CEMIP: variants seen among roughly 807,000 people sequenced by gnomAD.
The protein encoded by CEMIP is cell migration-inducing and hyaluronan-binding protein.
In CEMIP, 105 loss-of-function variants were observed where a neutral mutation model predicts 156.9. The observed-to-expected ratio is 0.67, with a 90% confidence interval of 0.57 to 0.79. CEMIP has a LOEUF of 0.79. CEMIP is among the 30% of genes least tolerant of loss of function. The pLI is 0.00. For synonymous variants in CEMIP, 676 were observed against 668.4 expected, an observed-to-expected ratio of 1.01 and a Z score of -0.17; for missense variants, 1,457 against 1,769.4, an observed-to-expected ratio of 0.82 and a Z score of 3.17.
chr15:80,809,313 C>T (rs141442416), intron 1 of CEMIP, among the ~76,000 whole-genome samples: 625 of 152,224 alleles, frequency 4.1e-3, no homozygotes, highest in African/African-American at 0.013. Context: ...TGTAATCATA[C>T]GTAGCTATTT....
At chr15:80,815,133 G>T (rs1289938189) in intron 1 of CEMIP, among the ~76,000 whole-genome samples, 1 of 152,238 alleles carries the variant, frequency 6.6e-6, no homozygotes, top group Non-Finnish European at 1.5e-5. Context: ...TACCCTGCAT[G>T]TAAGACAGAG....
At chr15:80,839,427 A>G (rs1897341135) in intron 1 of CEMIP, among the ~76,000 whole-genome samples, 1 of 152,036 alleles carries the variant, frequency 6.6e-6, no homozygotes, top group Admixed American at 6.6e-5. Flanking sequence ...AAGTGTGGAC[A>G]CCAGCTTCTG....
intron 23 of CEMIP, among the ~76,000 whole-genome samples, chr15:80,934,257 G>A (rs1901032380): frequency 6.6e-6 from 1 of 151,990 alleles, no homozygotes; most frequent in Admixed American, 6.6e-5. Flanking sequence ...CAGGGTAATG[G>A]GATAGGAAAA....
chr15:80,787,267 T>C (rs556942720), intron 1 of CEMIP, among the ~76,000 whole-genome samples: 2 of 152,268 alleles, frequency 1.3e-5, no homozygotes, highest in African/African-American at 2.4e-5. Context: ...TTATTGAAGA[T>C]GGTGAGAGTA....
chr15:80,873,759 G>A (rs902634727), intron 2 of CEMIP, 63 bp downstream of exon 2: 28 of 779,550 alleles, frequency 3.6e-5, no homozygotes, highest in South Asian at 6.1e-5. Context: ...TGCCTGTCCC[G>A]TGTCTGTGTG....
At chr15:80,916,605 C>A (rs537296245) in intron 14 of CEMIP, among the ~76,000 whole-genome samples, 82 of 152,296 alleles carry the variant, frequency 5.4e-4, no homozygotes, top group African/African-American at 1.9e-3. Context: ...CTATCTATAT[C>A]TATCTATCCA....
chr15:80,864,541 C>T (rs1898072981), intron 1 of CEMIP, among the ~76,000 whole-genome samples: 1 of 152,234 alleles, frequency 6.6e-6, no homozygotes, highest in African/African-American at 2.4e-5. Flanking sequence ...GTACCACACA[C>T]ATCGCATACA....
At chr15:80,859,825 C>T (rs142863595) in intron 1 of CEMIP, among the ~76,000 whole-genome samples, 4 of 152,270 alleles carry the variant, frequency 2.6e-5, no homozygotes, top group East Asian at 1.9e-4. Context: ...GAAGTAAACA[C>T]GTTTTCCCCT....
rs895443821 is a variant in CEMIP, at chr15:80,926,823, G to GC, written c.2420+1068_2420+1069insC. Among the ~76,000 whole-genome samples, 299 of 129,632 alleles carry GC rather than the reference G, an allele frequency of 2.3e-3. 8 individuals are homozygous for GC. The highest frequency in any genetic ancestry group is 9.3e-3 in the African/African-American group (285 of 30,710). The allele number at this position is 129,632 out of a possible 152,430, so 85.0% of individuals were successfully genotyped here. A position where few individuals can be genotyped will look rare whatever the true frequency, so the allele number is the denominator to read the frequency against. On this transcript the variant is annotated intron_variant, in intron 19 of 29. Transcript: ENST00000394685. ...GAGGCAGAGAGACTGAGCGGGTGGG[G>GC]GGGGGGGGTCTTCTTTTTTTTTTTT...
chr15:80,832,718 A>G (rs1377057931), intron 1 of CEMIP, among the ~76,000 whole-genome samples: 3 of 152,202 alleles, frequency 2.0e-5, no homozygotes, highest in Non-Finnish European at 2.9e-5. Flanking sequence ...AATTCACATT[A>G]AAATCCAGAT....
chr15:80,916,761 C>T (rs1222880585), intron 14 of CEMIP, among the ~76,000 whole-genome samples: 1 of 146,126 alleles, frequency 6.8e-6, no homozygotes, highest in Non-Finnish European at 1.5e-5. Context: ...AGGCAAGTCA[C>T]ACACAGCAAG....
chr15:80,873,379 A>G (rs1001445799), intron 1 of CEMIP, among the ~76,000 whole-genome samples, 159 bp from the exon 2 acceptor site: 1 of 152,226 alleles, frequency 6.6e-6, no homozygotes, highest in Admixed American at 6.5e-5. Flanking sequence ...TGTAAAGGTT[A>G]GAAATCAGCC....
rs1012087496 is a variant in CEMIP, at chr15:80,951,313, G to A, written c.*2389G>A. 2.6e-5 allele frequency: 4 copies of A among 152,610 alleles called. No individual in the cohort carries two copies. Among genetic ancestry groups the A allele is most frequent in the Non-Finnish European group, 4.4e-5 (3 of 68,038 alleles). 9.5% of individuals were successfully genotyped at this position (152,610 alleles called of 1,614,324 possible). The stretch of plus-strand genomic sequence containing the variant: ...ACATATGTTTCACAGTACAGGATCT[G>A]TACATAAAAGTTTCTTTCCTAAACC... On this transcript the variant is annotated 3_prime_UTR_variant, in exon 30 of 30. Coordinates refer to ENST00000394685, the MANE Select transcript of CEMIP (RefSeq NM_001293298.2).
intron 17 of CEMIP, among the ~76,000 whole-genome samples, chr15:80,924,016 C>T (rs751970140): frequency 2.0e-5 from 3 of 152,160 alleles, no homozygotes; most frequent in Non-Finnish European, 2.9e-5. Context: ...CAAGAGGCCA[C>T]GAGAATCCAG....
intron 1 of CEMIP, among the ~76,000 whole-genome samples, chr15:80,797,767 C>T (rs541033772): frequency 5.9e-5 from 9 of 152,326 alleles, no homozygotes; most frequent in Admixed American, 2.0e-4. Flanking sequence ...CCACGGTGGA[C>T]CTGGGAACTA....
chr15:80,861,389 C>T (rs1897983740), intron 1 of CEMIP, among the ~76,000 whole-genome samples: 1 of 152,240 alleles, frequency 6.6e-6, no homozygotes, highest in Non-Finnish European at 1.5e-5. Context: ...ACTGAAGGTG[C>T]TTCATGAATG....
chr15:80,816,671 G>T (rs951375718), intron 1 of CEMIP, among the ~76,000 whole-genome samples: 1 of 152,104 alleles, frequency 6.6e-6, no homozygotes, highest in Non-Finnish European at 1.5e-5. Flanking sequence ...CTGTCAGCTG[G>T]ATTGAAACTC....
intron 28 of CEMIP, among the ~76,000 whole-genome samples, chr15:80,945,569 G>C (rs1219210757): frequency 6.6e-6 from 1 of 152,098 alleles, no homozygotes; most frequent in Non-Finnish European, 1.5e-5. Flanking sequence ...CTTCCTCAAG[G>C]GCCTGAGGCA....
chr15:80,818,506 T>G (rs142226607), intron 1 of CEMIP, among the ~76,000 whole-genome samples: 1 of 152,236 alleles, frequency 6.6e-6, no homozygotes, highest in Non-Finnish European at 1.5e-5. Context: ...TCCAAAAATA[T>G]ATGAATATTT....
Sources: gnomAD v4.1 joint callset for allele counts (sites outside exome capture counted in the v4.1 genomes callset) on GRCh38, gnomAD v4.1.1 for gene constraint, MANE v1.5 for transcripts, NCBI Gene and HGNC (gene_info 2026-07-23, HGNC 2026-07-21) for gene names.